WWC1: variants seen among roughly 807,000 people sequenced by gnomAD.
The protein encoded by WWC1 is WW and C2 domain containing 1.
WWC1 carries 55 observed loss-of-function variants against 138.4 expected under a neutral mutation model. The ratio of observed to expected loss-of-function variants is 0.40; its 90% CI spans 0.32 to 0.50. The LOEUF (loss-of-function observed/expected upper bound fraction) is 0.50, where lower values mean the gene tolerates loss of function less well. Ranked by LOEUF, WWC1 falls within the 20% of genes least tolerant of loss-of-function variation. The probability of loss-of-function intolerance (pLI) is 0.72; values close to 1 mark genes in which losing one functional copy is unlikely to be tolerated. For missense variants in WWC1, 1,226 were observed against 1,420.4 expected (o/e 0.86, Z 2.20); for synonymous variants, 524 against 564.9 (o/e 0.93, Z 1.03).
At chr5:168,316,107 C>A (rs905089662) in intron 1 of WWC1, among the ~76,000 whole-genome samples, 1 of 152,218 alleles carries the variant, frequency 6.6e-6, no homozygotes, top group Admixed American at 6.5e-5. Flanking sequence ...AACTATTGGA[C>A]CATGAAACTC....
chr5:168,465,089 G>A, intron 21 of WWC1, 127 bp downstream of exon 21: 1 of 1,382,018 alleles, frequency 7.2e-7, no homozygotes, highest in Non-Finnish European at 9.6e-7. Context: ...TTCCACTGAG[G>A]GTGTTCCACC....
chr5:168,355,546 G>A (rs1005082937), intron 1 of WWC1, among the ~76,000 whole-genome samples: 7 of 150,166 alleles, frequency 4.7e-5, no homozygotes, highest in Non-Finnish European at 8.9e-5. Context: ...AGCCAGCCAT[G>A]CAAAAAGTGG....
chr5:168,403,074 C>CTTTCT lies in WWC1; in HGVS notation c.591-3116_591-3112dup, dbSNP rs1554104772. 9.7e-5 allele frequency among the ~76,000 whole-genome samples: 11 copies of CTTTCT among 113,536 alleles called. No individual in the cohort carries two copies. In the East Asian group the frequency reaches 1.9e-3, roughly 20 times the overall value. 74.5% of individuals were successfully genotyped at this position (113,536 alleles called of 152,430 possible). A position where few individuals can be genotyped will look rare whatever the true frequency, so the allele number is the denominator to read the frequency against. ...TCTTTCTTTCTTTCTTTCTTTCTTT[C>CTTTCT]TTTCTTTTCTTTCTTTTCTTTCTTT... On this transcript the variant is annotated intron_variant, in intron 5 of 22. Transcript: ENST00000265293.
rs1335884829 is a variant in WWC1 at position 168,319,864 on chromosome 5, AC to A, written c.119+27594del. On this transcript the variant is annotated intron_variant, in intron 1 of 22. Coordinates refer to ENST00000265293, the MANE Select transcript of WWC1 (RefSeq NM_015238.3). ...CTGTTTTCCACTATTTTACATTCCC[AC>A]TAGCAGTGCAGAAGGGTTCCAATTT... Among the ~76,000 whole-genome samples the A allele has an allele frequency of 9.2e-5, 14 of 152,070 alleles. No homozygotes were observed. In the East Asian group the frequency reaches 2.5e-3, roughly 27 times the overall value.
In WWC1 at chr5:168,292,170, G is replaced by A. The variant is rs1367451907; in HGVS notation, c.18G>A (p.Leu6=). 25 of 1,545,764 alleles carry A rather than the reference G, an allele frequency of 1.6e-5. No homozygotes were observed. Among genetic ancestry groups the A allele is most frequent in the African/African-American group, 4.1e-5 (3 of 72,412 alleles). MPRPE[L]PLPEGWEEAR... The stretch of plus-strand genomic sequence containing the variant: ...TTGGGAAGATGCCCCGGCCGGAGCT[G>A]CCCCTGCCGGAGGGCTGGGAGGAGG... Residue 6 remains leucine, a synonymous_variant, in exon 1 of 23, where the codon CTG becomes CTA. Coordinates refer to ENST00000265293, the MANE Select transcript of WWC1 (RefSeq NM_015238.3). The surrounding 1 kb of genome is among the most constrained non-coding windows in gnomAD (Gnocchi z 4.4).
chr5:168,446,470 T>C (rs917158445), intron 17 of WWC1, among the ~76,000 whole-genome samples: 1 of 152,332 alleles, frequency 6.6e-6, no homozygotes, highest in Admixed American at 6.5e-5. Flanking sequence ...CTTGGATTTT[T>C]CATGTTTTGT....
chr5:168,418,931 G>C (rs894245565), intron 9 of WWC1, among the ~76,000 whole-genome samples: 8 of 152,160 alleles, frequency 5.3e-5, no homozygotes, highest in Non-Finnish European at 1.0e-4. Context: ...CAGGACTCTA[G>C]AAGAACAGTG....
In WWC1 at chr5:168,464,740, C is replaced by G. The variant is rs753959647; in HGVS notation, c.2928C>G (p.Val976=). 2.7e-5 allele frequency: 44 copies of G among 1,614,052 alleles called. 1 individual carries two copies. In the South Asian group the frequency reaches 3.1e-4, roughly 11 times the overall value. The change falls in exon 21 of 23, where the codon GTC becomes GTG. Residue 976 remains valine, a synonymous_variant. Coordinates refer to ENST00000265293, the MANE Select transcript of WWC1 (RefSeq NM_015238.3). ...RSVRMKRPSS[V]KSLRSERLIR... ...CCCCACCCCCACAGCCTTCCTCGGT[C>G]AAGTCGCTGCGCTCCGAGCGTCTGA...
At position 168,320,526 on chromosome 5, in the gene WWC1, G is replaced by A. The variant is rs913605164; in HGVS notation, c.119+28255G>A. Among the ~76,000 whole-genome samples the A allele has an allele frequency of 5.3e-5, 8 of 152,260 alleles. No individual in the cohort carries two copies. In the East Asian group the frequency reaches 1.2e-3, roughly 22 times the overall value. ...CTTCAGTTTCCCGTCTGTGAAATGGGATAAGTGACCTAATCTCATCAGGTT... is the reference window on the plus strand; with the variant it reads ...CTTCAGTTTCCCGTCTGTGAAATGGAATAAGTGACCTAATCTCATCAGGTT... On this transcript the variant is annotated intron_variant, in intron 1 of 22. Transcript: ENST00000265293.
At position 168,427,885 on chromosome 5, in the gene WWC1, G is replaced by A. The variant is rs145870710; in HGVS notation, c.1811-148G>A. The A allele has an allele frequency of 1.0e-3, 578 of 568,882 alleles. 2 individuals are homozygous for A. The highest frequency in any genetic ancestry group is 7.8e-3 in the East Asian group (241 of 30,890). 35.2% of individuals were successfully genotyped at this position (568,882 alleles called of 1,614,324 possible). ...GGAGGTGGGAGGATCACCAGAACCCGAAGTGGTCGAGGCTGCAGTGAGCCA... is the reference window on the plus strand; with the variant it reads ...GGAGGTGGGAGGATCACCAGAACCCAAAGTGGTCGAGGCTGCAGTGAGCCA... On this transcript the variant is annotated intron_variant, in intron 11 of 22. Coordinates refer to ENST00000265293, the MANE Select transcript of WWC1 (RefSeq NM_015238.3).
chr5:168,430,263 C>A (rs1429225136), intron 14 of WWC1, 40 bp downstream of exon 14: 1 of 1,564,654 alleles, frequency 6.4e-7, no homozygotes, highest in Non-Finnish European at 8.8e-7. Context: ...ATACCCTAAC[C>A]CTCTGGAGTT....
chr5:168,404,557 G>A (rs1298849995), intron 5 of WWC1, among the ~76,000 whole-genome samples: 4 of 152,184 alleles, frequency 2.6e-5, no homozygotes, highest in Non-Finnish European at 2.9e-5. Flanking sequence ...AGACGATGAG[G>A]CCGGGATGAA....
chr5:168,305,378 T>C (rs1007574854), intron 1 of WWC1, among the ~76,000 whole-genome samples: 1 of 152,192 alleles, frequency 6.6e-6, no homozygotes, highest in Non-Finnish European at 1.5e-5. Flanking sequence ...GGCATTAAGA[T>C]TCAGCTTACA....
rs767381128 is a variant in WWC1 at position 168,455,487 on chromosome 5, C to T, written c.2790C>T (p.Phe930=). The part of the protein sequence containing the change: ...RGSTIIRSKT[F]SPGPQSQYVC... ...GCACCATCATCCGCTCTAAGACCTT[C>T]TCCCCAGGACCCCAGAGCCAGTACG... The change falls in exon 19 of 23, where the codon TTC becomes TTT. Residue 930 remains phenylalanine (F), a synonymous_variant. Transcript: ENST00000265293. 4.3e-6 allele frequency: 7 copies of T among 1,613,036 alleles called. No homozygotes were observed. The highest frequency in any genetic ancestry group is 2.2e-5 in the East Asian group (1 of 44,844).
At chr5:168,323,619 T>G (rs746519588) in intron 1 of WWC1, among the ~76,000 whole-genome samples, 3 of 152,106 alleles carry the variant, frequency 2.0e-5, no homozygotes, top group Non-Finnish European at 4.4e-5. Flanking sequence ...AAGTCAGGAC[T>G]TTAGCAATTT....
At chr5:168,298,284 C>T (rs1310127381) in intron 1 of WWC1, among the ~76,000 whole-genome samples, 4 of 152,068 alleles carry the variant, frequency 2.6e-5, no homozygotes, top group Non-Finnish European at 4.4e-5. Flanking sequence ...AGTTATCCGC[C>T]TGCCTCAGCC....
chr5:168,329,269 C>T (rs1772834062), intron 1 of WWC1, among the ~76,000 whole-genome samples: 1 of 152,052 alleles, frequency 6.6e-6, no homozygotes, highest in Non-Finnish European at 1.5e-5. Flanking sequence ...CCCTCAAGGC[C>T]CAAGGGACAA....
At chr5:168,330,762 G>A (rs549660786) in intron 1 of WWC1, among the ~76,000 whole-genome samples, 26 of 152,270 alleles carry the variant, frequency 1.7e-4, no homozygotes, top group African/African-American at 5.8e-4. Context: ...GGCAGCAGTC[G>A]GGTTTGGGGG....
chr5:168,393,307 C>T (rs775256093), intron 3 of WWC1, among the ~76,000 whole-genome samples: 4 of 152,068 alleles, frequency 2.6e-5, no homozygotes, highest in South Asian at 2.1e-4. Context: ...TCAGCTCACA[C>T]CAAGATATCT....
Sources: gnomAD v4.1 joint callset for allele counts (sites outside exome capture counted in the v4.1 genomes callset) on GRCh38, gnomAD v4.1.1 for gene constraint, Gnocchi (gnomAD v3.1) non-coding constraint, MANE v1.5 for transcripts, NCBI Gene and HGNC (gene_info 2026-07-23, HGNC 2026-07-21) for gene names.